Variants in LRRC27 observed in about 807,000 individuals in gnomAD.
The protein encoded by LRRC27 is leucine rich repeat containing 27.
LRRC27 carries 57 observed loss-of-function variants against 55.0 expected under a neutral mutation model. The observed-to-expected ratio is 1.04, with a 90% CI of 0.84 to 1.29. LRRC27 has a LOEUF of 1.29. Ranked by LOEUF, LRRC27 falls within the 50% of genes most tolerant of loss-of-function variation. The probability of loss-of-function intolerance (pLI) is 0.00; values close to 1 mark genes in which losing one functional copy is unlikely to be tolerated. For missense variants in LRRC27, 721 were observed against 651.5 expected (o/e 1.11, Z -1.16); for synonymous variants, 278 against 251.9 (o/e 1.10, Z -0.98).
intron 3 of LRRC27, among the ~76,000 whole-genome samples, chr10:132,341,962 C>A (rs1343492656): frequency 6.6e-6 from 1 of 152,188 alleles, no homozygotes; most frequent in Non-Finnish European, 1.5e-5. Context: ...TGGAGGTGTA[C>A]AATACCCCGC....
chr10:132,342,465 C>T (rs1160279860), intron 4 of LRRC27, among the ~76,000 whole-genome samples, 194 bp downstream of exon 4: 1 of 152,166 alleles, frequency 6.6e-6, no homozygotes, highest in African/African-American at 2.4e-5. Flanking sequence ...GGAGGTGTGA[C>T]GTGTGAGCCT....
chr10:132,348,211 C>A lies in LRRC27; in HGVS notation c.781C>A (p.Arg261Ser). Residue 261 changes from arginine to serine, a missense_variant, in exon 6 of 11, where the codon CGC becomes AGC. Physicochemically the swap from Arg to Ser is moderately radical, Grantham distance 110. Coordinates refer to ENST00000368614, the MANE Select transcript of LRRC27 (RefSeq NM_030626.3). The surrounding 1 kb of genome is among the most constrained non-coding windows in gnomAD (Gnocchi z 4.2). ...CTGGCCCAGCGAGGAGGAGATCAGG[C>A]GCTTTTGGAAGCTGAGGCAGGAGAT... ...ENWPSEEEIRRFWKLRQEIVE... is the reference protein window; with the variant it reads ...ENWPSEEEIRSFWKLRQEIVE... 1.2e-6 allele frequency: 2 copies of A among 1,614,022 alleles called. No homozygotes were observed. Among genetic ancestry groups the A allele is most frequent in the South Asian group, 2.2e-5 (2 of 91,080 alleles).
chr10:132,364,736 AT>A (rs2068944190), intron 9 of LRRC27, among the ~76,000 whole-genome samples: 4 of 78,540 alleles, frequency 5.1e-5, no homozygotes, highest in African/African-American at 9.0e-5. Context: ...CCACACTTAC[AT>A]CTACCTCCAC....
chr10:132,363,729 C>T (rs2068760211), intron 9 of LRRC27, among the ~76,000 whole-genome samples: 1 of 152,174 alleles, frequency 6.6e-6, no homozygotes, highest in South Asian at 2.1e-4. Flanking sequence ...GGCCCTGCTG[C>T]TCAGCGTACG....
intron 2 of LRRC27, among the ~76,000 whole-genome samples, chr10:132,336,473 C>T (rs1347508169): frequency 1.3e-5 from 2 of 152,308 alleles, no homozygotes; most frequent in South Asian, 2.1e-4. Flanking sequence ...TTTTTCCAGT[C>T]AGTGTTTCTC....
rs1385486526 is a variant in LRRC27, at chr10:132,375,081, G to A, written c.1432G>A (p.Asp478Asn). 1.2e-6 allele frequency: 2 copies of A among 1,613,336 alleles called. No individual in the cohort carries two copies. Among genetic ancestry groups the A allele is most frequent in the Non-Finnish European group, 1.7e-6 (2 of 1,179,658 alleles). Reference sequence around the variant, plus strand: ...CTCCCATAAGGCCACAGAGCTACAGGATGAAGTATTGAAGCTAAAATTGGG... The same window carrying A: ...CTCCCATAAGGCCACAGAGCTACAGAATGAAGTATTGAAGCTAAAATTGGG... ...EDLEIATELQ[D>N]EVLKLKLGLT... The change falls in exon 11 of 11, where the codon GAT becomes AAT. Residue 478 changes from aspartate (D) to asparagine (N), a missense_variant. By Grantham distance (23) the Asp-to-Asn change is conservative (BLOSUM62 1). Coordinates refer to ENST00000368614, the MANE Select transcript of LRRC27 (RefSeq NM_030626.3).
chr10:132,360,210 C>T (rs2068547904), intron 8 of LRRC27, among the ~76,000 whole-genome samples: 1 of 152,184 alleles, frequency 6.6e-6, no homozygotes, highest in African/African-American at 2.4e-5. Flanking sequence ...ATTTTCCTGC[C>T]TCAGCCTCCT....
At chr10:132,365,575 A>T in intron 10 of LRRC27, 25 bp downstream of exon 10, 3 of 1,608,826 alleles carry the variant, frequency 1.9e-6, no homozygotes, top group Non-Finnish European at 2.5e-6. Context: ...GTTCTGTTTA[A>T]AAAAGTGTGG....
intron 6 of LRRC27, chr10:132,351,029 T>A (rs1159677892): frequency 1.9e-5 from 3 of 154,374 alleles, no homozygotes; most frequent in Non-Finnish European, 4.3e-5. Flanking sequence ...TCTGCTGTCC[T>A]GCGGGCTTCC....
At chr10:132,364,384 T>TA (rs1277841267) in intron 9 of LRRC27, among the ~76,000 whole-genome samples, 2 of 80,604 alleles carry the variant, frequency 2.5e-5, no homozygotes, top group Admixed American at 1.0e-4. Context: ...CACCCACACT[T>TA]ACACCCACCC....
chr10:132,344,920 A>G, intron 5 of LRRC27: 2 of 313,178 alleles, frequency 6.4e-6, no homozygotes, highest in Non-Finnish European at 1.2e-5. Flanking sequence ...TGAAACAGTT[A>G]TCACCTCCAA....
chr10:132,341,866 C>T (rs1374969821), intron 3 of LRRC27, among the ~76,000 whole-genome samples: 1 of 152,192 alleles, frequency 6.6e-6, no homozygotes, highest in Admixed American at 6.5e-5. Context: ...ATTTTACCCC[C>T]AGGAGACTGT....
chr10:132,344,809 C>A, intron 5 of LRRC27, 159 bp downstream of exon 5: 1 of 644,592 alleles, frequency 1.6e-6, no homozygotes, highest in Non-Finnish European at 2.5e-6. Flanking sequence ...CTCAGGCCGA[C>A]CCAGTCATCT....
At chr10:132,349,808 C>A (rs1447209805) in intron 6 of LRRC27, among the ~76,000 whole-genome samples, 2 of 152,146 alleles carry the variant, frequency 1.3e-5, no homozygotes, top group African/African-American at 4.8e-5. Context: ...GTTGGGTGGG[C>A]CCTGAGTGTT....
intron 8 of LRRC27, among the ~76,000 whole-genome samples, chr10:132,360,374 G>A (rs796724304): frequency 5.7e-4 from 87 of 152,274 alleles, no homozygotes; most frequent in African/African-American, 1.5e-3. Flanking sequence ...GGGATTACAG[G>A]TGTGAGCCAC....
chr10:132,366,248 G>C (rs1394689837), intron 10 of LRRC27: 1 of 153,348 alleles, frequency 6.5e-6, no homozygotes, highest in Non-Finnish European at 1.5e-5. Context: ...TGCAGAGAGG[G>C]GTCTGGCTGA....
At chr10:132,373,747 C>G (rs920842461) in intron 10 of LRRC27, among the ~76,000 whole-genome samples, 1 of 152,090 alleles carries the variant, frequency 6.6e-6, no homozygotes, top group Non-Finnish European at 1.5e-5. Context: ...AGCCCCCGGC[C>G]GCCCCCTACT....
chr10:132,348,260 T>C lies in LRRC27; in HGVS notation c.830T>C (p.Val277Ala). Reference protein sequence around the residue: ...QEIVEHVKADVLGDQLLTREL... With the variant: ...QEIVEHVKADALGDQLLTREL... ...ATTGTTGAGCACGTGAAGGCAGACG[T>C]TCTGGGAGATCAGCTCTTGACGAGG... The change falls in exon 6 of 11, where the codon GTT becomes GCT. Residue 277 changes from valine to alanine, a missense_variant. By Grantham distance (64) the Val-to-Ala change is moderately conservative. Coordinates refer to ENST00000368614, the MANE Select transcript of LRRC27 (RefSeq NM_030626.3). The surrounding 1 kb of genome is among the most constrained non-coding windows in gnomAD (Gnocchi z 4.2). The C allele has an allele frequency of 1.9e-6, 3 of 1,613,996 alleles. No individual in the cohort carries two copies. Among genetic ancestry groups the C allele is most frequent in the South Asian group, 1.1e-5 (1 of 91,078 alleles).
chr10:132,347,891 C>T, intron 5 of LRRC27, 93 bp from the exon 6 acceptor site: 1 of 1,453,614 alleles, frequency 6.9e-7, no homozygotes, highest in Non-Finnish European at 9.3e-7. Context: ...GGGCACCCCA[C>T]CCCCCACCAT....
Sources: allele counts gnomAD v4.1 joint callset (sites outside exome capture counted in the v4.1 genomes callset), GRCh38; gene constraint gnomAD v4.1.1; non-coding constraint Gnocchi (gnomAD v3.1); transcripts MANE v1.5; gene names NCBI Gene and HGNC (gene_info 2026-07-23, HGNC 2026-07-21).